Variants in STYXL1 observed in about 807,000 individuals in gnomAD.
The protein encoded by STYXL1 is serine/threonine/tyrosine interacting like 1.
A neutral mutation model predicts 36.4 loss-of-function variants in STYXL1; 32 were observed. The observed-to-expected ratio is 0.88, with a 90% confidence interval of 0.66 to 1.18. STYXL1 has a LOEUF of 1.18. Among genes scored for constraint, STYXL1 ranks in the 50% most tolerant of loss-of-function variants. The pLI is 0.00. For synonymous variants in STYXL1, 133 were observed against 144.1 expected, an observed-to-expected ratio of 0.92 and a Z score of 0.55; for missense variants, 354 against 394.1, an observed-to-expected ratio of 0.90 and a Z score of 0.86.
At chr7:76,036,592 T>C (rs1401640159) in intron 1 of STYXL1, among the ~76,000 whole-genome samples, 3 of 149,812 alleles carry the variant, frequency 2.0e-5, no homozygotes, top group African/African-American at 7.3e-5. Context: ...TTCAATTTTT[T>C]TCACTTTCAA....
intron 6 of STYXL1, among the ~76,000 whole-genome samples, chr7:76,004,829 A>G (rs532742802): frequency 1.3e-4 from 19 of 151,628 alleles, no homozygotes; most frequent in Non-Finnish European, 2.4e-4. Flanking sequence ...GTGAAACCCC[A>G]TCTCTACTAA....
rs1171099869 is a variant in STYXL1, at chr7:76,000,940, A to G, written c.760T>C (p.Cys254Arg). 1 of 1,614,204 alleles carries G rather than the reference A, an allele frequency of 6.2e-7. No homozygotes were observed. Among genetic ancestry groups the G allele is most frequent in the Non-Finnish European group, 8.5e-7 (1 of 1,180,024 alleles). Residue 254 changes from cysteine to arginine, a missense_variant, in exon 8 of 9, where the codon TGT becomes CGT. Physicochemically the swap from Cys to Arg is radical, Grantham distance 180 (BLOSUM62 -3). Coordinates refer to ENST00000359697, the MANE Select transcript of STYXL1 (RefSeq NM_001317785.2). The stretch of plus-strand genomic sequence containing the variant: ...ATGAGGTAGGCTATGATGGCGGCAC[A>G]ACTGCGGCTGATACCTTGGGTGGAA... ...IFSTQGISRS[C>R]AAIIAYLMHS...
At chr7:76,033,136 T>C (rs1795553835) in intron 1 of STYXL1, among the ~76,000 whole-genome samples, 1 of 152,102 alleles carries the variant, frequency 6.6e-6, no homozygotes, top group Non-Finnish European at 1.5e-5. Flanking sequence ...GAGCTTCCTG[T>C]AGGAAGGCTT....
chr7:76,017,364 A>G (rs1439981581), intron 4 of STYXL1, among the ~76,000 whole-genome samples: 3 of 152,110 alleles, frequency 2.0e-5, no homozygotes, highest in Admixed American at 1.3e-4. Context: ...ATACCACAGA[A>G]TACTACACAG....
At chr7:76,017,055 C>T (rs1793458245) in intron 4 of STYXL1, among the ~76,000 whole-genome samples, 2 of 152,078 alleles carry the variant, frequency 1.3e-5, no homozygotes, top group Non-Finnish European at 2.9e-5. Context: ...GAGTCTCGCT[C>T]TTGTCGCCCA....
At chr7:76,012,278 CTT>C (rs1277477816) in intron 5 of STYXL1, among the ~76,000 whole-genome samples, 2 of 151,748 alleles carry the variant, frequency 1.3e-5, no homozygotes, top group Non-Finnish European at 2.9e-5. Flanking sequence ...GGCTGATTTT[CTT>C]TTTGTTTTTT....
In STYXL1 at chr7:76,005,412, G is replaced by T. The variant is rs778300679; in HGVS notation, c.454-8C>A. On this transcript the variant is annotated splice_polypyrimidine_tract_variant and splice_region_variant and intron_variant, in intron 5 of 8. Coordinates refer to ENST00000359697, the MANE Select transcript of STYXL1 (RefSeq NM_001317785.2). ...CTGAAATGCATCCAGTTCCTGAAGT[G>T]TGGAGGGAGAAAGGCAGCTATGAGC... 55 of 1,596,542 alleles carry T rather than the reference G, an allele frequency of 3.4e-5. No individual in the cohort carries two copies. Among genetic ancestry groups the T allele is most frequent in the Non-Finnish European group, 4.5e-5 (52 of 1,167,724 alleles).
At chr7:76,044,965 G>A (rs1796808265) in intron 1 of STYXL1, 2 of 152,156 alleles carry the variant, frequency 1.3e-5, no homozygotes, top group South Asian at 2.1e-4. Context: ...AAAGTGTTGG[G>A]ATTACAGGCA....
intron 5 of STYXL1, among the ~76,000 whole-genome samples, chr7:76,007,304 T>C (rs1554570740): frequency 6.6e-6 from 1 of 152,012 alleles, no homozygotes; most frequent in Non-Finnish European, 1.5e-5. Flanking sequence ...TGCATGCCTG[T>C]AGTCCCAGCT....
Position 76,028,673 on chromosome 7 carries a change from CT to C in STYXL1, c.133del (p.Ser45AlafsTer3), listed in dbSNP as rs1795001292. On this transcript the variant is annotated frameshift_variant, in exon 3 of 9. Coordinates refer to ENST00000359697, the MANE Select transcript of STYXL1 (RefSeq NM_001317785.2). LOFTEE classifies it high-confidence loss of function. ...CACTCGAAGGGCAGTGATCACATGG[CT>C]TTCGTCATACTCCCATTTGGAACGG... ...DVRSKWEYDE[S>X]HVITALRVKK... 2.5e-6 allele frequency: 4 copies of C among 1,614,170 alleles called. No homozygotes were observed. The highest frequency in any genetic ancestry group is 3.4e-6 in the Non-Finnish European group (4 of 1,180,016).
chr7:76,019,281 T>C (rs1384256055), intron 4 of STYXL1, among the ~76,000 whole-genome samples: 1 of 149,246 alleles, frequency 6.7e-6, no homozygotes, highest in Non-Finnish European at 1.5e-5. Context: ...ACTGTTTTTT[T>C]CTTTTTTTTT....
rs146060327 is a variant in STYXL1, at chr7:76,029,799, C to T, written c.103+622G>A. ...TGCACACTTCACAGTAGGGTTTGCG[C>T]TCCTGTGAGAATCTAATGCTGCTGC... On this transcript the variant is annotated intron_variant, in intron 2 of 8. Transcript: ENST00000359697. Among the ~76,000 whole-genome samples, 220 of 152,182 alleles carry T rather than the reference C, an allele frequency of 1.4e-3. No homozygotes were observed. In the Middle Eastern group the frequency reaches 0.017, roughly 12 times the overall value.
chr7:76,032,876 A>G (rs1404942432), intron 1 of STYXL1, among the ~76,000 whole-genome samples: 2 of 152,120 alleles, frequency 1.3e-5, no homozygotes, highest in Non-Finnish European at 2.9e-5. Flanking sequence ...GAAACAAAGG[A>G]TAAGAACATT....
Position 76,045,079 on chromosome 7 carries a change from G to A in STYXL1, c.-5+2583C>T, listed in dbSNP as rs191876849. On this transcript the variant is annotated intron_variant, in intron 1 of 8. Transcript: ENST00000359697. ...TCTTTATTTTTTCTCCTCTCCTTTG[G>A]TATAACCTCCTTTATTTTTCTCCTC... is the stretch of plus-strand genomic sequence containing the variant. 7 of 152,124 alleles carry A rather than the reference G, an allele frequency of 4.6e-5. No individual in the cohort carries two copies. The East Asian group carries it at 1.4e-3, about 29-fold the overall frequency. 9.4% of individuals were successfully genotyped at this position (152,124 alleles called of 1,614,324 possible).
At chr7:76,036,618 T>A (rs1163940167) in intron 1 of STYXL1, among the ~76,000 whole-genome samples, 1 of 147,554 alleles carries the variant, frequency 6.8e-6, no homozygotes, top group Non-Finnish European at 1.5e-5. Flanking sequence ...ATTAAATTTA[T>A]TTATCCCAAG....
At chr7:76,002,455 A>G (rs1791072373) in intron 7 of STYXL1, among the ~76,000 whole-genome samples, 1 of 152,194 alleles carries the variant, frequency 6.6e-6, no homozygotes, top group African/African-American at 2.4e-5. Context: ...CACCATCTGA[A>G]TAAAGGAACT....
At chr7:76,007,100 G>A (rs1160914976) in intron 5 of STYXL1, among the ~76,000 whole-genome samples, 2 of 152,004 alleles carry the variant, frequency 1.3e-5, no homozygotes, top group East Asian at 1.9e-4. Context: ...CATTGTATTA[G>A]GTATTATAAA....
chr7:76,002,353 A>C (rs1791063254), intron 7 of STYXL1, among the ~76,000 whole-genome samples: 1 of 152,202 alleles, frequency 6.6e-6, no homozygotes, highest in South Asian at 2.1e-4. Flanking sequence ...TGGTCTGGCA[A>C]CCCTCAGGAA....
At chr7:75,999,511 A>ATATGTGTGTGTGTGTGTGTGTGTG (rs1554565620) in intron 8 of STYXL1, among the ~76,000 whole-genome samples, 1 of 95,906 alleles carries the variant, frequency 1.0e-5, no homozygotes, top group Non-Finnish European at 2.0e-5. Context: ...GTGTGTGTGT[A>ATATGTGTGTGTGTGTGTGTGTGTG]TGTGTGTGTG....
Sources: allele counts gnomAD v4.1 joint callset (sites outside exome capture counted in the v4.1 genomes callset), GRCh38; gene constraint gnomAD v4.1.1; transcripts MANE v1.5; gene names NCBI Gene and HGNC (gene_info 2026-07-23, HGNC 2026-07-21).